TYK2: variants seen among roughly 807,000 people sequenced by gnomAD.
TYK2 encodes non-receptor tyrosine-protein kinase TYK2.
A neutral mutation model predicts 130.9 loss-of-function variants in TYK2; 65 were observed. The observed-to-expected ratio is 0.50, with a 90% CI of 0.41 to 0.61. TYK2 has a LOEUF of 0.61. TYK2 is among the 20% of genes least tolerant of loss of function. The probability of loss-of-function intolerance (pLI) is 0.00; values close to 1 mark genes in which losing one functional copy is unlikely to be tolerated. For synonymous variants in TYK2, 647 were observed against 658.9 expected (o/e 0.98, Z 0.28); for missense variants, 1,378 against 1,610.7 (o/e 0.86, Z 2.47).
intron 3 of TYK2, among the ~76,000 whole-genome samples, chr19:10,377,524 GTGGATGGA>G (rs1279340304): frequency 1.2e-5 from 1 of 84,196 alleles, no homozygotes; most frequent in African/African-American, 4.5e-5. Context: ...GAGTGGGTGG[GTGGATGGA>G]TGGATGGATG....
At position 10,379,651 on chromosome 19, in the gene TYK2, A is replaced by G. The variant is rs1432132504; in HGVS notation, c.-57T>C. On this transcript the variant is annotated 5_prime_UTR_variant, in exon 2 of 25. Transcript: ENST00000525621. ...TCCTGGAGCTCCCTGTGTCAACTCA[A>G]GCAAGCCACTTAGCAATTCTGGGCC... The G allele has an allele frequency of 6.6e-6, 1 of 152,170 alleles. No homozygotes were observed. The highest frequency in any genetic ancestry group is 1.9e-4 in the East Asian group (1 of 5,204). 9.4% of individuals were successfully genotyped at this position (152,170 alleles called of 1,614,324 possible). A position where few individuals can be genotyped will look rare whatever the true frequency, so the allele number is the denominator to read the frequency against.
chr19:10,361,373 C>T lies in TYK2; in HGVS notation c.2047+138G>A, dbSNP rs975094984. On this transcript the variant is annotated intron_variant, in intron 14 of 24. Coordinates refer to ENST00000525621, the MANE Select transcript of TYK2 (RefSeq NM_003331.5). The surrounding 1 kb of genome is among the most constrained non-coding windows in gnomAD (Gnocchi z 4.0). Reference sequence around the variant, plus strand: ...CTAGGTTGAAGGTCAAGGTGTAGCCCGGGATCAGAGTACAGGTGAGAGTTG... The same window carrying T: ...CTAGGTTGAAGGTCAAGGTGTAGCCTGGGATCAGAGTACAGGTGAGAGTTG... 2.7e-5 allele frequency: 23 copies of T among 853,384 alleles called. No individual in the cohort carries two copies. The highest frequency in any genetic ancestry group is 1.3e-4 in the African/African-American group (8 of 59,898). The allele number at this position is 853,384 out of a possible 1,614,324, so 52.9% of individuals were successfully genotyped here. A position where few individuals can be genotyped will look rare whatever the true frequency, so the allele number is the denominator to read the frequency against.
chr19:10,364,728 G>T lies in TYK2; in HGVS notation c.1253C>A (p.Ser418Ter), dbSNP rs759111483. 6.2e-7 allele frequency: 1 copy of T among 1,613,816 alleles called. No individual in the cohort carries two copies. Among genetic ancestry groups the T allele is most frequent in the Non-Finnish European group, 8.5e-7 (1 of 1,179,996 alleles). ...CAGGCGGAAATAGCCGTCCACCAGCGACACGAAGGACAGCGCCGCAGCCCG... is the reference window on the plus strand; with the variant it reads ...CAGGCGGAAATAGCCGTCCACCAGCTACACGAAGGACAGCGCCGCAGCCCG... The part of the protein sequence containing the change: ...PSRAAALSFV[S>*]LVDGYFRLTA... The change falls in exon 9 of 25, where the codon TCG becomes TAG. Residue 418 changes from serine to a stop codon, truncating the protein, a stop_gained. Transcript: ENST00000525621. LOFTEE classifies it high-confidence loss of function. This position sits in a 1 kb window ranked among gnomAD's most constrained non-coding sequence, Gnocchi z 4.9.
rs1448286043 is a variant in TYK2, at chr19:10,350,841, A to C, written c.3557T>G (p.Val1186Gly). The change falls in exon 25 of 25, where the codon GTG becomes GGG. Residue 1186 changes from valine (V) to glycine (G), a missense_variant. Val to Gly is a moderately radical substitution (Grantham distance 109). Coordinates refer to ENST00000525621, the MANE Select transcript of TYK2 (RefSeq NM_003331.5). ...YQGQAPSVFS[V>G]C ...CAGGGCTGCCATTGTGCCTCAGCAC[A>C]CGCTGAACACTGAAGGGGCCTGGCC... 7 of 1,613,522 alleles carry C rather than the reference A, an allele frequency of 4.3e-6. No individual in the cohort carries two copies. Among genetic ancestry groups the C allele is most frequent in the Non-Finnish European group, 5.9e-6 (7 of 1,180,034 alleles).
At position 10,361,020 on chromosome 19, in the gene TYK2, G is replaced by A. The variant is rs916498088; in HGVS notation, c.2047+491C>T. 9.9e-6 allele frequency: 4 copies of A among 403,700 alleles called. No individual in the cohort carries two copies. The highest frequency in any genetic ancestry group is 2.0e-5 in the Non-Finnish European group (4 of 202,030). The allele number at this position is 403,700 out of a possible 1,614,324, so 25.0% of individuals were successfully genotyped here. On this transcript the variant is annotated intron_variant, in intron 14 of 24. Transcript: ENST00000525621. The surrounding 1 kb of genome is among the most constrained non-coding windows in gnomAD (Gnocchi z 4.0). ...TCCTCCCACCTCTGCCTCCCAAAGT[G>A]CTGGGATAGGTGTGAGCCACCACAC...
At position 10,365,528 on chromosome 19, in the gene TYK2, T is replaced by C. The variant is rs886054133; in HGVS notation, c.1000A>G (p.Asn334Asp). ...GGCGCCTTGCTCACCTCCTCCTTGT[T>C]CACCTCCTCCTCTACTGGCCACCAC... ...IQWWPVEEEV[N>D]KEEGSSGSSG... Residue 334 changes from asparagine (N) to aspartate (D), a missense_variant, in exon 7 of 25, where the codon AAC (asparagine) becomes GAC (aspartate). By Grantham distance (23) the Asn-to-Asp change is conservative. Transcript: ENST00000525621. 2 of 1,613,872 alleles carry C rather than the reference T, an allele frequency of 1.2e-6. No individual in the cohort carries two copies. Among genetic ancestry groups the C allele is most frequent in the Non-Finnish European group, 1.7e-6 (2 of 1,179,974 alleles).
rs770899896 is a variant in TYK2, at chr19:10,366,599, G to A, written c.466-19C>T. ...GCTTGCCCTGGGAACAGGAAATTGA[G>A]CAGAAAGGGAGGTGTGAGAATGCGT... On this transcript the variant is annotated intron_variant, in intron 5 of 24. Transcript: ENST00000525621. 1.4e-5 allele frequency: 23 copies of A among 1,613,918 alleles called. No homozygotes were observed. The South Asian group carries it at 2.1e-4, about 15-fold the overall frequency.
intron 14 of TYK2, among the ~76,000 whole-genome samples, chr19:10,360,039 G>A (rs894882437): frequency 2.0e-5 from 3 of 151,684 alleles, no homozygotes; most frequent in Non-Finnish European, 4.4e-5. Context: ...AAAATTAGCT[G>A]GGCATGGTGG....
chr19:10,360,739 G>T (rs541126076), intron 14 of TYK2, among the ~76,000 whole-genome samples: 19 of 151,906 alleles, frequency 1.3e-4, no homozygotes, highest in Middle Eastern at 3.4e-3. Context: ...CTGTACAAGG[G>T]CTTTATTTTT....
At chr19:10,377,524 G>GTGGA (rs1279340304) in intron 3 of TYK2, among the ~76,000 whole-genome samples, 2 of 84,196 alleles carry the variant, frequency 2.4e-5, no homozygotes, top group Non-Finnish European at 4.7e-5. Flanking sequence ...GAGTGGGTGG[G>GTGGA]TGGATGGATG....
At chr19:10,372,484 A>ATATTTTTTT (rs1390400916) in intron 3 of TYK2, among the ~76,000 whole-genome samples, 3 of 37,422 alleles carry the variant, frequency 8.0e-5, no homozygotes, top group East Asian at 1.2e-3. Context: ...ATATATATAT[A>ATATTTTTTT]TTTTTTTTTT....
chr19:10,379,606 C>G lies in TYK2; in HGVS notation c.-21+9G>C, dbSNP rs944623666. On this transcript the variant is annotated intron_variant, in intron 2 of 24. Coordinates refer to ENST00000525621, the MANE Select transcript of TYK2 (RefSeq NM_003331.5). Reference sequence around the variant, plus strand: ...AAATAACCAGACAGGCAGATGTGGTCAAACATACCTGAGGGTGAGTCCTGG... The same window carrying G: ...AAATAACCAGACAGGCAGATGTGGTGAAACATACCTGAGGGTGAGTCCTGG... The G allele has an allele frequency of 6.6e-6, 1 of 152,054 alleles. No homozygotes were observed. Among genetic ancestry groups the G allele is most frequent in the African/African-American group, 2.4e-5 (1 of 41,406 alleles). The allele number at this position is 152,054 out of a possible 1,614,324, so 9.4% of individuals were successfully genotyped here.
At chr19:10,378,739 G>T (rs1010548705) in intron 2 of TYK2, among the ~76,000 whole-genome samples, 1 of 152,210 alleles carries the variant, frequency 6.6e-6, no homozygotes, top group Non-Finnish European at 1.5e-5. Flanking sequence ...CCAGGACTTT[G>T]GGATGTTGAG....
chr19:10,362,005 G>GTC, intron 12 of TYK2, 50 bp from the exon 13 acceptor site: 1 of 1,613,398 alleles, frequency 6.2e-7, no homozygotes, highest in Non-Finnish European at 8.5e-7. Context: ...GTTAGCAGCT[G>GTC]ATCTCCCAGG....
chr19:10,367,614 G>C (rs1344833604), intron 5 of TYK2, among the ~76,000 whole-genome samples: 1 of 151,412 alleles, frequency 6.6e-6, no homozygotes, highest in Non-Finnish European at 1.5e-5. Context: ...CACAGAGCAA[G>C]ACTCCATTTC....
intron 3 of TYK2, among the ~76,000 whole-genome samples, chr19:10,370,262 G>C (rs1395939388): frequency 6.6e-6 from 1 of 151,906 alleles, no homozygotes; most frequent in Non-Finnish European, 1.5e-5. Flanking sequence ...GGGAGGCTGA[G>C]GCAGGAGGAC....
rs1479123283 is a variant in TYK2, at chr19:10,350,637, C to T, written c.*197G>A. ...TTAGTGCCCCTACAAATGTTGGGTC[C>T]CTCAAGATCATGGTTAGGCTCACGG... is the stretch of plus-strand genomic sequence containing the variant. On this transcript the variant is annotated 3_prime_UTR_variant, in exon 25 of 25. Coordinates refer to ENST00000525621, the MANE Select transcript of TYK2 (RefSeq NM_003331.5). The T allele has an allele frequency of 3.2e-6, 2 of 633,016 alleles. No individual in the cohort carries two copies. Among genetic ancestry groups the T allele is most frequent in the African/African-American group, 1.8e-5 (1 of 54,434 alleles). 39.2% of individuals were successfully genotyped at this position (633,016 alleles called of 1,614,324 possible).
intron 3 of TYK2, chr19:10,369,982 T>A (rs2041844993): frequency 9.2e-6 from 3 of 325,110 alleles, no homozygotes; most frequent in South Asian, 6.8e-5. Context: ...AGGTGGAACT[T>A]GCAGTGAGCC....
intron 3 of TYK2, among the ~76,000 whole-genome samples, chr19:10,374,720 T>C (rs1202694943): frequency 1.3e-5 from 2 of 148,938 alleles, no homozygotes; most frequent in Non-Finnish European, 3.0e-5. Context: ...CCGTCTCTAC[T>C]AAAAATACAA....
Sources: allele counts gnomAD v4.1 joint callset (sites outside exome capture counted in the v4.1 genomes callset), GRCh38; gene constraint gnomAD v4.1.1; non-coding constraint Gnocchi (gnomAD v3.1); transcripts MANE v1.5; gene names NCBI Gene and HGNC (gene_info 2026-07-23, HGNC 2026-07-21).